The following CCDC141 variants were observed in gnomAD, a reference collection of about 807,000 sequenced individuals.
The protein encoded by CCDC141 is coiled-coil domain-containing protein 141.
In CCDC141, 168 loss-of-function variants were observed where a neutral mutation model predicts 181.0. The ratio of observed to expected loss-of-function variants is 0.93; its 90% CI spans 0.82 to 1.05. The LOEUF is 1.05. Among genes scored for constraint, CCDC141 ranks in the 50% least tolerant of loss-of-function variants. The pLI, the probability that CCDC141 is intolerant of heterozygous loss-of-function variation, is 0.00. For missense variants in CCDC141, 1,902 were observed against 1,788.5 expected, an observed-to-expected ratio of 1.06 and a Z score of -1.14; for synonymous variants, 666 against 642.3, an observed-to-expected ratio of 1.04 and a Z score of -0.56.
downstream of CCDC141, among the ~76,000 whole-genome samples, chr2:178,829,282 A>G (rs1192301829): frequency 6.6e-6 from 1 of 152,238 alleles, no homozygotes; most frequent in Non-Finnish European, 1.5e-5. Context: ...ATTTTGTGGT[A>G]CAAAAAGGAG....
chr2:178,853,613 C>G lies in CCDC141; in HGVS notation c.3072G>C (p.Trp1024Cys), dbSNP rs1460432410. 4 of 1,610,184 alleles carry G rather than the reference C, an allele frequency of 2.5e-6. No individual in the cohort carries two copies. Among genetic ancestry groups the G allele is most frequent in the African/African-American group, 2.7e-5 (2 of 74,716 alleles). ...CAACTGTGGCACTTGCATCTTCGTA[C>G]CAAAAATGACACTAAATTTAAATGG... Reference protein sequence around the residue: ...FQEVIEECHFWYEDASATVVR... With the variant: ...FQEVIEECHFCYEDASATVVR... The change falls in exon 20 of 24, where the codon TGG becomes TGC. Residue 1024 changes from tryptophan to cysteine, a missense_variant. Coordinates refer to ENST00000443758, the MANE Select transcript of CCDC141 (RefSeq NM_173648.4).
chr2:178,890,894 G>T (rs985027208), intron 8 of CCDC141, among the ~76,000 whole-genome samples: 1 of 135,764 alleles, frequency 7.4e-6, no homozygotes, highest in African/African-American at 2.5e-5. Flanking sequence ...ATGCCACTTT[G>T]TTAAGTGCAT....
At chr2:178,866,630 A>G (rs540361185) in intron 16 of CCDC141, among the ~76,000 whole-genome samples, 1 of 152,352 alleles carries the variant, frequency 6.6e-6, no homozygotes, top group South Asian at 2.1e-4. Flanking sequence ...ACCTATTGTT[A>G]GAGTAAACAT....
At chr2:178,966,515 G>A (rs1422148351) in intron 4 of CCDC141, among the ~76,000 whole-genome samples, 1 of 152,178 alleles carries the variant, frequency 6.6e-6, no homozygotes, top group Non-Finnish European at 1.5e-5. Context: ...CAGCAGACCT[G>A]CAGCAGAGGG....
At chr2:178,935,461 T>A (rs1441386554) in intron 6 of CCDC141, among the ~76,000 whole-genome samples, 1 of 152,198 alleles carries the variant, frequency 6.6e-6, no homozygotes, top group Non-Finnish European at 1.5e-5. Flanking sequence ...ATCTCATTCT[T>A]TTTTATGGCT....
chr2:178,918,810 T>C lies in CCDC141; in HGVS notation c.995A>G (p.Gln332Arg). The change falls in exon 7 of 24, where the codon CAG (glutamine) becomes CGG (arginine). Residue 332 changes from glutamine to arginine, a missense_variant. Transcript: ENST00000443758. ...VEKEHLQLSH[Q>R]KLSQLQEEFG... is the part of the protein sequence containing the mutation. ...TTCTTCTTGAAGCTGACTGAGTTTC[T>C]GGTGAGAGAGCTGGAGGTGTTCTTT... 1 of 1,550,660 alleles carries C rather than the reference T, an allele frequency of 6.4e-7. No individual in the cohort carries two copies. Among genetic ancestry groups the C allele is most frequent in the Non-Finnish European group, 8.7e-7 (1 of 1,147,004 alleles).
intron 7 of CCDC141, among the ~76,000 whole-genome samples, chr2:178,913,656 G>T (rs1039279812): frequency 1.3e-5 from 2 of 152,118 alleles, no homozygotes; most frequent in African/African-American, 4.8e-5. Context: ...CTTCTTAAAG[G>T]ACATTAATGT....
At chr2:178,853,412 A>G (rs757428133) in intron 20 of CCDC141, 29 bp downstream of exon 20, 25 of 1,605,544 alleles carry the variant, frequency 1.6e-5, no homozygotes, top group Non-Finnish European at 1.9e-5. Context: ...TCAATGGCCA[A>G]TCACTGGATA....
intron 2 of CCDC141, among the ~76,000 whole-genome samples, chr2:179,037,083 C>T (rs2043164984): frequency 6.6e-6 from 1 of 152,208 alleles, no homozygotes; most frequent in African/African-American, 2.4e-5. Flanking sequence ...AGGTGGGACT[C>T]TGGCCTGTGT....
At chr2:179,027,716 C>A (rs1156794080) in intron 2 of CCDC141, among the ~76,000 whole-genome samples, 1 of 146,128 alleles carries the variant, frequency 6.8e-6, no homozygotes, top group East Asian at 2.1e-4. Flanking sequence ...TGTCTGCTGC[C>A]ATCCATGTAA....
intron 8 of CCDC141, among the ~76,000 whole-genome samples, chr2:178,890,024 A>T (rs1687072561): frequency 6.6e-6 from 1 of 152,212 alleles, no homozygotes; most frequent in Non-Finnish European, 1.5e-5. Context: ...AAAGGCATTT[A>T]AAAGCCCAGC....
intron 4 of CCDC141, among the ~76,000 whole-genome samples, chr2:178,966,005 G>C (rs1402083201): frequency 6.6e-6 from 1 of 152,216 alleles, no homozygotes; most frequent in African/African-American, 2.4e-5. Flanking sequence ...AAAGCCACTG[G>C]GAAGTTTGAA....
chr2:178,825,209 G>A (rs1575103460), downstream of CCDC141: 1 of 152,008 alleles, frequency 6.6e-6, no homozygotes, highest in African/African-American at 2.4e-5. Flanking sequence ...ACTTTTAAAG[G>A]TGTAATACAG....
chr2:178,936,120 T>C (rs1045683747), intron 6 of CCDC141, among the ~76,000 whole-genome samples: 1 of 152,176 alleles, frequency 6.6e-6, no homozygotes, highest in African/African-American at 2.4e-5. Context: ...ACTTGTCAAT[T>C]TTTGCTTTGT....
intron 2 of CCDC141, chr2:179,001,977 C>A (rs61307115): frequency 0.12 from 19,297 of 159,866 alleles, 1,378 homozygotes; most frequent in African/African-American, 0.19. Flanking sequence ...CACCACCACA[C>A]CTGGCTAATT....
chr2:178,871,693 C>T (rs1365653132), intron 13 of CCDC141, 141 bp from the exon 14 acceptor site: 1 of 959,222 alleles, frequency 1.0e-6, no homozygotes, highest in African/African-American at 1.7e-5. Flanking sequence ...GCTCAGGGTT[C>T]TAAACCACCA....
chr2:178,895,314 C>T (rs1356563026), intron 8 of CCDC141, among the ~76,000 whole-genome samples: 1 of 152,074 alleles, frequency 6.6e-6, no homozygotes, highest in Non-Finnish European at 1.5e-5. Context: ...TTTTCTTTGT[C>T]CTCTTCTCCC....
intron 15 of CCDC141, among the ~76,000 whole-genome samples, chr2:178,868,885 G>A (rs1344721059): frequency 6.6e-6 from 1 of 152,150 alleles, no homozygotes; most frequent in Non-Finnish European, 1.5e-5. Context: ...GGCAGCCTGA[G>A]AGTCAAGGGT....
intron 14 of CCDC141, among the ~76,000 whole-genome samples, chr2:178,870,590 G>A (rs1686074725): frequency 6.6e-6 from 1 of 152,170 alleles, no homozygotes. Flanking sequence ...AGTTTGCTGT[G>A]GATTACAATG....
Sources: allele counts gnomAD v4.1 joint callset (sites outside exome capture counted in the v4.1 genomes callset), GRCh38; gene constraint gnomAD v4.1.1; transcripts MANE v1.5; gene names NCBI Gene and HGNC (gene_info 2026-07-23, HGNC 2026-07-21).